Variants in FHIT observed in about 807,000 individuals in gnomAD.
FHIT encodes bis(5'-adenosyl)-triphosphatase.
A neutral mutation model predicts 17.9 loss-of-function variants in FHIT; 19 were observed. That is an observed-to-expected ratio of 1.06 (90% CI 0.74 to 1.56). FHIT has a LOEUF of 1.56. Ranked by LOEUF, FHIT falls within the 40% of genes most tolerant of loss-of-function variation. The pLI is 0.00. For synonymous variants in FHIT, 81 were observed against 69.7 expected (o/e 1.16, Z -0.81); for missense variants, 248 against 189.2 (o/e 1.31, Z -1.82).
At chr3:60,033,301 G>A (rs1463543136) in intron 5 of FHIT, among the ~76,000 whole-genome samples, 1 of 152,086 alleles carries the variant, frequency 6.6e-6, no homozygotes, top group Non-Finnish European at 1.5e-5. Flanking sequence ...TTCAAGACAA[G>A]CCTGACCAAC....
intron 5 of FHIT, among the ~76,000 whole-genome samples, chr3:60,025,628 C>T (rs1469306357): frequency 6.6e-6 from 1 of 151,992 alleles, no homozygotes; most frequent in Non-Finnish European, 1.5e-5. Flanking sequence ...AGACATGTCT[C>T]CTCCAACAAA....
intron 4 of FHIT, among the ~76,000 whole-genome samples, chr3:60,764,670 A>G (rs2108061322): frequency 6.6e-6 from 1 of 152,238 alleles, no homozygotes; most frequent in South Asian, 2.1e-4. Flanking sequence ...TAAGATATTT[A>G]TAAGAAATAA....
In FHIT at chr3:60,703,654, T is replaced by C. The variant is rs973155963; in HGVS notation, c.-18+118265A>G. ...CTCAAGTTTTGATATAACATTTTGCTAGATTTGTACAGTTGAGCCCCATTC... is the reference window on the plus strand; with the variant it reads ...CTCAAGTTTTGATATAACATTTTGCCAGATTTGTACAGTTGAGCCCCATTC... On this transcript the variant is annotated intron_variant, in intron 4 of 9. Coordinates refer to ENST00000492590, the MANE Select transcript of FHIT (RefSeq NM_002012.4). Among the ~76,000 whole-genome samples the C allele has an allele frequency of 5.3e-5, 8 of 152,208 alleles. No homozygotes were observed. In the East Asian group the frequency reaches 1.5e-3, roughly 29 times the overall value.
At chr3:60,599,024 A>T (rs2038357731) in intron 4 of FHIT, among the ~76,000 whole-genome samples, 1 of 152,142 alleles carries the variant, frequency 6.6e-6, no homozygotes. Flanking sequence ...AAATCTGTTA[A>T]AATGTATTAA....
At chr3:60,530,474 C>T (rs1297886329) in intron 5 of FHIT, among the ~76,000 whole-genome samples, 1 of 152,194 alleles carries the variant, frequency 6.6e-6, no homozygotes, top group Non-Finnish European at 1.5e-5. Context: ...TTCCAACAAT[C>T]CATTGTTCTG....
At chr3:59,763,046 C>A (rs1035880625) in intron 8 of FHIT, among the ~76,000 whole-genome samples, 4 of 152,154 alleles carry the variant, frequency 2.6e-5, no homozygotes, top group East Asian at 3.8e-4. Context: ...TTTTTCCCCC[C>A]CGCCGGTGTT....
intron 5 of FHIT, among the ~76,000 whole-genome samples, chr3:60,310,207 T>A (rs1033196230): frequency 1.3e-5 from 2 of 152,132 alleles, no homozygotes; most frequent in African/African-American, 4.8e-5. Flanking sequence ...GCCCATGACC[T>A]GTTATTTGAA....
At chr3:60,812,641 A>G (rs1369457131) in intron 4 of FHIT, among the ~76,000 whole-genome samples, 6 of 152,152 alleles carry the variant, frequency 3.9e-5, no homozygotes, top group African/African-American at 1.4e-4. Context: ...TCTAACCCAT[A>G]AATTGACTAT....
intron 5 of FHIT, among the ~76,000 whole-genome samples, chr3:60,518,412 C>G (rs2107558900): frequency 6.6e-6 from 1 of 152,228 alleles, no homozygotes; most frequent in African/African-American, 2.4e-5. Flanking sequence ...AAAATGTAAA[C>G]AGTGAGATAT....
intron 2 of FHIT, among the ~76,000 whole-genome samples, chr3:61,156,140 A>G (rs2037527677): frequency 6.6e-6 from 1 of 152,210 alleles, no homozygotes; most frequent in African/African-American, 2.4e-5. Flanking sequence ...AGAACCTTGC[A>G]TCAAGTTTCC....
At chr3:61,173,467 C>A (rs2107141538) in intron 2 of FHIT, among the ~76,000 whole-genome samples, 1 of 152,188 alleles carries the variant, frequency 6.6e-6, no homozygotes, top group Non-Finnish European at 1.5e-5. Context: ...TGTTAGAATG[C>A]TTTCGATGTC....
intron 5 of FHIT, among the ~76,000 whole-genome samples, chr3:60,438,973 A>C (rs1263600154): frequency 6.6e-6 from 1 of 152,192 alleles, no homozygotes; most frequent in Non-Finnish European, 1.5e-5. Context: ...GACTGATGAA[A>C]TATGCGGAAG....
At chr3:60,443,987 A>C (rs572324841) in intron 5 of FHIT, among the ~76,000 whole-genome samples, 1 of 152,320 alleles carries the variant, frequency 6.6e-6, no homozygotes, top group East Asian at 1.9e-4. Flanking sequence ...AACTCAAACA[A>C]ATTTACAAGA....
chr3:60,447,867 G>A (rs1031747223), intron 5 of FHIT, among the ~76,000 whole-genome samples: 3 of 152,048 alleles, frequency 2.0e-5, no homozygotes, highest in African/African-American at 4.8e-5. Context: ...TAAAGATGGG[G>A]GAAATGACCA....
chr3:60,684,534 C>A (rs1019381617), intron 4 of FHIT, among the ~76,000 whole-genome samples: 2 of 152,104 alleles, frequency 1.3e-5, no homozygotes, highest in African/African-American at 4.8e-5. Context: ...CCTGTCGTCT[C>A]CATCCCTCCT....
chr3:60,100,711 T>C (rs1044359782), intron 5 of FHIT, among the ~76,000 whole-genome samples: 1 of 152,142 alleles, frequency 6.6e-6, no homozygotes, highest in Non-Finnish European at 1.5e-5. Context: ...AGAGTGAATT[T>C]ATTTCTATTA....
At chr3:60,050,705 C>T (rs1453245578) in intron 5 of FHIT, among the ~76,000 whole-genome samples, 1 of 152,170 alleles carries the variant, frequency 6.6e-6, no homozygotes, top group East Asian at 1.9e-4. Flanking sequence ...TGCTCACCAT[C>T]TTTTTCTGGG....
intron 5 of FHIT, among the ~76,000 whole-genome samples, chr3:60,368,975 C>T (rs1352309795): frequency 6.7e-6 from 1 of 149,168 alleles, no homozygotes; most frequent in Non-Finnish European, 1.5e-5. Flanking sequence ...CTTTTCTTTT[C>T]TCTTTGTTTT....
intron 3 of FHIT, among the ~76,000 whole-genome samples, chr3:61,007,464 G>A (rs1009338813): frequency 1.3e-5 from 2 of 152,076 alleles, no homozygotes; most frequent in Admixed American, 6.5e-5. Flanking sequence ...TTTTTCTCAG[G>A]TGAATACCTA....
Sources: gnomAD v4.1 joint callset for allele counts (sites outside exome capture counted in the v4.1 genomes callset) on GRCh38, gnomAD v4.1.1 for gene constraint, MANE v1.5 for transcripts, NCBI Gene and HGNC (gene_info 2026-07-23, HGNC 2026-07-21) for gene names.